MTMR9: variants seen among roughly 807,000 people sequenced by gnomAD.
The protein encoded by MTMR9 is myotubularin-related protein 9.
In MTMR9, 39 loss-of-function variants were observed where a neutral mutation model predicts 69.5. The ratio of observed to expected loss-of-function variants is 0.56; its 90% CI spans 0.43 to 0.73. MTMR9 has a LOEUF of 0.73. MTMR9 is among the 30% of genes least tolerant of loss of function. The pLI, the probability that MTMR9 is intolerant of heterozygous loss-of-function variation, is 0.00. For missense variants in MTMR9, 900 were observed against 671.2 expected (o/e 1.34, Z -3.77); for synonymous variants, 354 against 240.8 (o/e 1.47, Z -4.35).
Position 11,285,368 on chromosome 8 carries a change from C to A in MTMR9, c.182+298C>A, listed in dbSNP as rs1039137231. On this transcript the variant is annotated intron_variant, in intron 1 of 9. Coordinates refer to ENST00000221086, the MANE Select transcript of MTMR9 (RefSeq NM_015458.4). ...TCGGCATTGTCTTTATAAATTTCTT[C>A]TTCTTCTTGCCCCATCGTATTCCTT... is the stretch of plus-strand genomic sequence containing the variant. The A allele has an allele frequency of 2.7e-5, 8 of 295,652 alleles. No individual in the cohort carries two copies. In the Admixed American group the frequency reaches 3.1e-4, roughly 12 times the overall value. 18.3% of individuals were successfully genotyped at this position (295,652 alleles called of 1,614,324 possible). A position where few individuals can be genotyped will look rare whatever the true frequency, so the allele number is the denominator to read the frequency against.
At chr8:11,329,734 A>G (rs1585147529), downstream of MTMR9, among the ~76,000 whole-genome samples, 1 of 151,322 alleles carries the variant, frequency 6.6e-6, no homozygotes, top group Admixed American at 6.6e-5. Flanking sequence ...CCCGGCCGCC[A>G]CCCCGTCTGG....
At chr8:11,331,853 C>T, downstream of MTMR9, 2 of 1,611,980 alleles carry the variant, frequency 1.2e-6, no homozygotes, top group Non-Finnish European at 1.7e-6. Context: ...TGCCCAGTGA[C>T]CTCCTGAGTT....
chr8:11,334,022 G>A, the MTMR9 span, among the ~76,000 whole-genome samples: 8 of 152,156 alleles, frequency 5.3e-5, no homozygotes, highest in African/African-American at 1.7e-4. Flanking sequence ...ATTCAGCCCC[G>A]GTCCTTTTCT....
At chr8:11,333,540 A>G in the MTMR9 span, among the ~76,000 whole-genome samples, 1 of 152,238 alleles carries the variant, frequency 6.6e-6, no homozygotes, top group Non-Finnish European at 1.5e-5. Context: ...AACACTAGAC[A>G]GTAACTTGAA....
chr8:11,331,291 A>C (rs1801212895), downstream of MTMR9: 2 of 1,613,802 alleles, frequency 1.2e-6, no homozygotes, highest in Non-Finnish European at 1.7e-6. Flanking sequence ...CGTATGGCTT[A>C]CCAGGGTTCC....
rs1250330700 is a variant in MTMR9 at position 11,284,999 on chromosome 8, C to G, written c.111C>G (p.Ile37Met). Residue 37 changes from isoleucine (I) to methionine (M), a missense_variant, in exon 1 of 10, where the codon ATC becomes ATG. By Grantham distance (10) the Ile-to-Met change is conservative. Coordinates refer to ENST00000221086, the MANE Select transcript of MTMR9 (RefSeq NM_015458.4). ...TGTGCCTGACGGGCCACCACTTGATCCTGTCCTCCCGGCAGGACAATACGG... is the reference window on the plus strand; with the variant it reads ...TGTGCCTGACGGGCCACCACTTGATGCTGTCCTCCCGGCAGGACAATACGG... ...GTLCLTGHHL[I>M]LSSRQDNTEE... 1.9e-6 allele frequency: 3 copies of G among 1,613,622 alleles called. No individual in the cohort carries two copies. The highest frequency in any genetic ancestry group is 2.5e-6 in the Non-Finnish European group (3 of 1,179,884).
rs1799941440 is a variant in MTMR9 at position 11,306,350 on chromosome 8, G to A, written c.752G>A (p.Gly251Asp). Residue 251 changes from glycine to aspartate, a missense_variant, in exon 5 of 10, where the codon GGC becomes GAC. Physicochemically the swap from Gly to Asp is moderately conservative, Grantham distance 94. Transcript: ENST00000221086. Reference sequence around the variant, plus strand: ...CAGCAAACTAGAGCCAAAGGAGGTGGCTTTGAACAAGAAGCTCATTATCCT... The same window carrying A: ...CAGCAAACTAGAGCCAAAGGAGGTGACTTTGAACAAGAAGCTCATTATCCT... ...VAQQTRAKGG[G>D]FEQEAHYPQW... is the part of the protein sequence containing the mutation. The A allele has an allele frequency of 6.2e-7, 1 of 1,613,952 alleles. No individual in the cohort carries two copies. Among genetic ancestry groups the A allele is most frequent in the South Asian group, 1.1e-5 (1 of 91,092 alleles).
In MTMR9 at chr8:11,319,687, A is replaced by T; in HGVS notation, c.1335A>T (p.Arg445Ser). 2 of 1,613,522 alleles carry T rather than the reference A, an allele frequency of 1.2e-6. No individual in the cohort carries two copies. The highest frequency in any genetic ancestry group is 8.5e-7 in the Non-Finnish European group (1 of 1,179,996). Residue 445 changes from arginine to serine, a missense_variant and splice_region_variant, in exon 9 of 10, where the codon AGA becomes AGT. By Grantham distance (110) the Arg-to-Ser change is moderately radical. Transcript: ENST00000221086. ...AATGGCAGTGTTCTTTCTTGATCAG[A>T]TGTAAGTTGAAGCTACAGCAGAAGA... Reference protein sequence around the residue: ...GTFLGNNESERCKLKLQQKTM... With the variant: ...GTFLGNNESESCKLKLQQKTM...
At chr8:11,308,074 G>A (rs1256781204) in intron 5 of MTMR9, among the ~76,000 whole-genome samples, 1 of 152,070 alleles carries the variant, frequency 6.6e-6, no homozygotes, top group Non-Finnish European at 1.5e-5. Context: ...TTTTGCTTTT[G>A]TTGCCTCTGC....
chr8:11,319,657 A>C, intron 8 of MTMR9, 30 bp from the exon 9 acceptor site: 2 of 1,609,666 alleles, frequency 1.2e-6, no homozygotes, highest in Non-Finnish European at 1.7e-6. Context: ...TAAATTAATT[A>C]CTTTAATGGC....
At chr8:11,329,221 C>A (rs1801089033), downstream of MTMR9, among the ~76,000 whole-genome samples, 1 of 152,206 alleles carries the variant, frequency 6.6e-6, no homozygotes, top group African/African-American at 2.4e-5. Context: ...TAACAAGATC[C>A]TGTCTTTACA....
Position 11,306,221 on chromosome 8 carries a change from G to T in MTMR9, c.623G>T (p.Gly208Val), listed in dbSNP as rs1799934667. The change falls in exon 5 of 10, where the codon GGT becomes GTT. Residue 208 changes from glycine (G) to valine (V), a missense_variant. By Grantham distance (109) the Gly-to-Val change is moderately radical. Transcript: ENST00000221086. The stretch of plus-strand genomic sequence containing the variant: ...ATGCGAAGTGGTCAGCCACTCACTG[G>T]TACAAACGGGAGGAGGTGCAAGGAG... ...VIMRSGQPLT[G>V]TNGRRCKEDE... The T allele has an allele frequency of 6.2e-7, 1 of 1,613,264 alleles. No homozygotes were observed. Among genetic ancestry groups the T allele is most frequent in the African/African-American group, 1.3e-5 (1 of 74,866 alleles).
intron 5 of MTMR9, 32 bp downstream of exon 5, chr8:11,306,439 A>T: frequency 6.3e-7 from 1 of 1,589,708 alleles, no homozygotes; most frequent in Non-Finnish European, 8.6e-7. Flanking sequence ...ACAGACTCTT[A>T]TTAGAAGCTA....
the MTMR9 span, among the ~76,000 whole-genome samples, chr8:11,335,899 A>G: frequency 1.3e-5 from 2 of 152,214 alleles, no homozygotes; most frequent in East Asian, 3.8e-4. Context: ...CCTATTTCCA[A>G]ATAAGGTTAT....
Position 11,323,296 on chromosome 8 carries a change from A to G in MTMR9, c.*508A>G, listed in dbSNP as rs1469637587. 2 of 152,270 alleles carry G rather than the reference A, an allele frequency of 1.3e-5. No homozygotes were observed. Among genetic ancestry groups the G allele is most frequent in the Non-Finnish European group, 1.5e-5 (1 of 68,048 alleles). 9.4% of individuals were successfully genotyped at this position (152,270 alleles called of 1,614,324 possible). Reference sequence around the variant, plus strand: ...ATTTCCAGTGTCTTCGCCACATAAAATAGCCATTTTCTTTAAAATAGTTTT... The same window carrying G: ...ATTTCCAGTGTCTTCGCCACATAAAGTAGCCATTTTCTTTAAAATAGTTTT... On this transcript the variant is annotated 3_prime_UTR_variant, in exon 10 of 10. Transcript: ENST00000221086.
At position 11,327,261 on chromosome 8, in the gene MTMR9, G is replaced by C. The variant is rs1800975821; in HGVS notation, c.*4473G>C. 6.6e-6 allele frequency: 1 copy of C among 152,130 alleles called. No homozygotes were observed. The highest frequency in any genetic ancestry group is 2.1e-4 in the South Asian group (1 of 4,826). 9.4% of individuals were successfully genotyped at this position (152,130 alleles called of 1,614,324 possible). ...GTTCCAGCTCTTGAACTACACTGTG[G>C]AACAGTAATTTGTGCCCAATTTAGT... is the stretch of plus-strand genomic sequence containing the variant. On this transcript the variant is annotated 3_prime_UTR_variant, in exon 10 of 10. Coordinates refer to ENST00000221086, the MANE Select transcript of MTMR9 (RefSeq NM_015458.4).
At chr8:11,285,963 TTTTTTTTG>T (rs1353158253) in intron 1 of MTMR9, among the ~76,000 whole-genome samples, 28 of 143,158 alleles carry the variant, frequency 2.0e-4, no homozygotes, top group African/African-American at 6.1e-4. Flanking sequence ...TTTTTTTTTT[TTTTTTTTG>T]GAGACGAAAT....
rs1800939801 is a variant in MTMR9, at chr8:11,326,576, C to A, written c.*3788C>A. Reference sequence around the variant, plus strand: ...TATACCTCAAGACCACATAGATTAGCTACTGCTTATTCTTTCACATGGGCT... The same window carrying A: ...TATACCTCAAGACCACATAGATTAGATACTGCTTATTCTTTCACATGGGCT... On this transcript the variant is annotated 3_prime_UTR_variant, in exon 10 of 10. Coordinates refer to ENST00000221086, the MANE Select transcript of MTMR9 (RefSeq NM_015458.4). 6.6e-6 allele frequency: 1 copy of A among 152,198 alleles called. No individual in the cohort carries two copies. The highest frequency in any genetic ancestry group is 1.5e-5 in the Non-Finnish European group (1 of 68,044). 9.4% of individuals were successfully genotyped at this position (152,198 alleles called of 1,614,324 possible).
downstream of MTMR9, chr8:11,331,175 C>A (rs530214114): frequency 1.2e-6 from 2 of 1,613,448 alleles, no homozygotes; most frequent in East Asian, 2.2e-5. Context: ...CCGCTCCACC[C>A]AGCCTCCGCT....
Sources: gnomAD v4.1 joint callset for allele counts (sites outside exome capture counted in the v4.1 genomes callset) on GRCh38, gnomAD v4.1.1 for gene constraint, MANE v1.5 for transcripts, NCBI Gene and HGNC (gene_info 2026-07-23, HGNC 2026-07-21) for gene names.